MEST: variants seen among roughly 807,000 people sequenced by gnomAD.
MEST encodes the protein mesoderm specific transcript, also known as mesoderm-specific transcript homolog protein.
Under a neutral mutation model 50.9 loss-of-function variants are expected in MEST, and 18 were observed. That is an observed-to-expected ratio of 0.35 (90% CI 0.24 to 0.52). The LOEUF (loss-of-function observed/expected upper bound fraction) is 0.52. MEST is among the 20% of genes least tolerant of loss of function. The pLI is 0.94. For synonymous variants in MEST, 130 were observed against 154.1 expected, an observed-to-expected ratio of 0.84 and a Z score of 1.16; for missense variants, 282 against 425.3, an observed-to-expected ratio of 0.66 and a Z score of 2.96.
At position 130,495,778 on chromosome 7, in the gene MEST, G is replaced by GTTT. The variant is rs71178591; in HGVS notation, c.181+269_181+271dup. 1,848 of 189,388 alleles carry GTTT rather than the reference G, an allele frequency of 9.8e-3. 39 individuals carry two copies. Among genetic ancestry groups the GTTT allele is most frequent in the African/African-American group, 0.018 (698 of 39,750 alleles). 11.7% of individuals were successfully genotyped at this position (189,388 alleles called of 1,614,324 possible). ...TAGCTTGATATGTATTCCAATATTA[G>GTTT]TTTTTTTTTTTTTTTGAGCAACCTG... is the stretch of plus-strand genomic sequence containing the variant. On this transcript the variant is annotated intron_variant, in intron 2 of 11. Coordinates refer to ENST00000223215, the MANE Select transcript of MEST (RefSeq NM_002402.4).
rs1799115958 is a variant in MEST at position 130,497,667 on chromosome 7, A to T, written c.262-269A>T. 2 of 476,640 alleles carry T rather than the reference A, an allele frequency of 4.2e-6. No homozygotes were observed. Among genetic ancestry groups the T allele is most frequent in the Non-Finnish European group, 7.5e-6 (2 of 266,552 alleles). The allele number at this position is 476,640 out of a possible 1,614,324, so 29.5% of individuals were successfully genotyped here. A position where few individuals can be genotyped will look rare whatever the true frequency, so the allele number is the denominator to read the frequency against. On this transcript the variant is annotated intron_variant, in intron 3 of 11. Transcript: ENST00000223215. The surrounding 1 kb of genome is among the most constrained non-coding windows in gnomAD (Gnocchi z 4.0). ...CTTTTAAAAAAACATTAAATGTTGA[A>T]CTGTTCCTTATTTACTGAAGGGAAT... is the stretch of plus-strand genomic sequence containing the variant.
chr7:130,498,406 G>T lies in MEST; in HGVS notation c.477-13G>T. 1 of 1,613,930 alleles carries T rather than the reference G, an allele frequency of 6.2e-7. No individual in the cohort carries two copies. The highest frequency in any genetic ancestry group is 8.5e-7 in the Non-Finnish European group (1 of 1,179,990). The stretch of plus-strand genomic sequence containing the variant: ...TGCTCAGCTACATGTGTGTTTCCTC[G>T]TCTCCCTTCTAGGTACAAGCAGAAT... On this transcript the variant is annotated splice_polypyrimidine_tract_variant and intron_variant, in intron 5 of 11. Coordinates refer to ENST00000223215, the MANE Select transcript of MEST (RefSeq NM_002402.4).
rs1798871945 is a variant in MEST, at chr7:130,492,626, G to A, written c.26+287G>A. 1 of 343,814 alleles carries A rather than the reference G, an allele frequency of 2.9e-6. No individual in the cohort carries two copies. The highest frequency in any genetic ancestry group is 4.3e-5 in the East Asian group (1 of 23,094). 21.3% of individuals were successfully genotyped at this position (343,814 alleles called of 1,614,324 possible). A position where few individuals can be genotyped will look rare whatever the true frequency, so the allele number is the denominator to read the frequency against. On this transcript the variant is annotated intron_variant, in intron 1 of 11. Transcript: ENST00000223215. The surrounding 1 kb of genome is among the most constrained non-coding windows in gnomAD (Gnocchi z 7.6). ...CTGGACCCCAGCGTCATCTTGATAT[G>A]ACTTAGGATCCATAATGACCCTGGT...
At position 130,495,978 on chromosome 7, in the gene MEST, G is replaced by A. The variant is rs1799042896; in HGVS notation, c.181+456G>A. On this transcript the variant is annotated intron_variant, in intron 2 of 11. Transcript: ENST00000223215. ...GATTATTATGACCACTACTTATCAA[G>A]TAATTACCATATGCCAGGCACTGAG... is the stretch of plus-strand genomic sequence containing the variant. 3 of 399,176 alleles carry A rather than the reference G, an allele frequency of 7.5e-6. No individual in the cohort carries two copies. In the Admixed American group the frequency reaches 1.1e-4, roughly 15 times the overall value. 24.7% of individuals were successfully genotyped at this position (399,176 alleles called of 1,614,324 possible).
At chr7:130,502,512 A>G in intron 9 of MEST, 132 bp from the exon 10 acceptor site, 4 of 663,416 alleles carry the variant, frequency 6.0e-6, no homozygotes, top group Non-Finnish European at 2.6e-6. Context: ...TAAGTGGGAC[A>G]TTTCCAGGAA....
chr7:130,500,678 A>G lies in MEST; in HGVS notation c.648-111A>G. The G allele has an allele frequency of 8.4e-7, 1 of 1,189,312 alleles. No homozygotes were observed. The highest frequency in any genetic ancestry group is 1.2e-6 in the Non-Finnish European group (1 of 832,966). 73.7% of individuals were successfully genotyped at this position (1,189,312 alleles called of 1,614,324 possible). A position where few individuals can be genotyped will look rare whatever the true frequency, so the allele number is the denominator to read the frequency against. On this transcript the variant is annotated intron_variant, in intron 8 of 11. Transcript: ENST00000223215. The surrounding 1 kb of genome is among the most constrained non-coding windows in gnomAD (Gnocchi z 5.0). Reference sequence around the variant, plus strand: ...GGGAAGTAGAAGGAATTCATAAATCACTTATGGGTCAGACTGCATGGCCCA... The same window carrying G: ...GGGAAGTAGAAGGAATTCATAAATCGCTTATGGGTCAGACTGCATGGCCCA...
rs1584945383 is a variant in MEST at position 130,497,401 on chromosome 7, A to G, written c.261+166A>G. 8.8e-6 allele frequency: 4 copies of G among 454,316 alleles called. No homozygotes were observed. The East Asian group carries it at 1.6e-4, about 19-fold the overall frequency. 28.1% of individuals were successfully genotyped at this position (454,316 alleles called of 1,614,324 possible). ...GCAAAACCCCATCTCTACTAAAAGT[A>G]TAAAAATTGGCCAGGCATGGTGGCA... On this transcript the variant is annotated intron_variant, in intron 3 of 11. Transcript: ENST00000223215. This position sits in a 1 kb window ranked among gnomAD's most constrained non-coding sequence, Gnocchi z 4.0.
chr7:130,506,160 T>A lies in MEST; in HGVS notation c.*1104T>A, dbSNP rs1251838445. 8.5e-5 allele frequency: 13 copies of A among 152,616 alleles called. No homozygotes were observed. Among genetic ancestry groups the A allele is most frequent in the Non-Finnish European group, 4.4e-5 (3 of 68,044 alleles). 9.5% of individuals were successfully genotyped at this position (152,616 alleles called of 1,614,324 possible). The stretch of plus-strand genomic sequence containing the variant: ...ACTTTTTTTTTAAAGCCACATTTCA[T>A]TGTCTTAGTCAAAGCAGGATTATTA... On this transcript the variant is annotated 3_prime_UTR_variant, in exon 12 of 12. Coordinates refer to ENST00000223215, the MANE Select transcript of MEST (RefSeq NM_002402.4).
In MEST at chr7:130,500,958, T is replaced by C; in HGVS notation, c.749+68T>C. Reference sequence around the variant, plus strand: ...TGTGGAGAGTGGGGATTGCTTGTTCTGTTCCTTGCTGGCTTATTCCCTATC... The same window carrying C: ...TGTGGAGAGTGGGGATTGCTTGTTCCGTTCCTTGCTGGCTTATTCCCTATC... On this transcript the variant is annotated intron_variant, in intron 9 of 11. Transcript: ENST00000223215. The surrounding 1 kb of genome is among the most constrained non-coding windows in gnomAD (Gnocchi z 5.0). 2 of 1,354,100 alleles carry C rather than the reference T, an allele frequency of 1.5e-6. No individual in the cohort carries two copies. The highest frequency in any genetic ancestry group is 2.1e-6 in the Non-Finnish European group (2 of 966,474). 83.9% of individuals were successfully genotyped at this position (1,354,100 alleles called of 1,614,324 possible).
Position 130,492,407 on chromosome 7 carries a change from G to A in MEST, c.26+68G>A, listed in dbSNP as rs1798860552. ...GGGACTAGGGCGCAGGCGAGCGGAG[G>A]ACTGTGTGCCCGTGTCCGAGCTGGG... On this transcript the variant is annotated intron_variant, in intron 1 of 11. Transcript: ENST00000223215. The surrounding 1 kb of genome is among the most constrained non-coding windows in gnomAD (Gnocchi z 7.6). 2 of 1,212,052 alleles carry A rather than the reference G, an allele frequency of 1.7e-6. No homozygotes were observed. Among genetic ancestry groups the A allele is most frequent in the African/African-American group, 3.1e-5 (2 of 64,114 alleles). 75.1% of individuals were successfully genotyped at this position (1,212,052 alleles called of 1,614,324 possible). A position where few individuals can be genotyped will look rare whatever the true frequency, so the allele number is the denominator to read the frequency against.
chr7:130,491,458 A>G (rs1584936663), upstream of MEST: 1 of 152,332 alleles, frequency 6.6e-6, no homozygotes, highest in African/African-American at 2.4e-5. The surrounding 1 kb of genome is among the most constrained non-coding windows in gnomAD (Gnocchi z 6.8). Flanking sequence ...CATAGTGGCC[A>G]TCCCATGAAT....
At chr7:130,501,880 C>T (rs1799287663) in intron 9 of MEST, among the ~76,000 whole-genome samples, 1 of 151,772 alleles carries the variant, frequency 6.6e-6, no homozygotes, top group Non-Finnish European at 1.5e-5. Flanking sequence ...TCCAGCTACT[C>T]AGGAGGCTGA....
chr7:130,500,064 C>A lies in MEST; in HGVS notation c.576+149C>A. ...TATTAATGAAGTTACTTTTTCCCTTCTTAGGCAACTAAAGCAGAGGCAGTG... is the reference window on the plus strand; with the variant it reads ...TATTAATGAAGTTACTTTTTCCCTTATTAGGCAACTAAAGCAGAGGCAGTG... On this transcript the variant is annotated intron_variant, in intron 7 of 11. Coordinates refer to ENST00000223215, the MANE Select transcript of MEST (RefSeq NM_002402.4). This position sits in a 1 kb window ranked among gnomAD's most constrained non-coding sequence, Gnocchi z 5.0. The A allele has an allele frequency of 1.4e-6, 1 of 698,616 alleles. No individual in the cohort carries two copies. The highest frequency in any genetic ancestry group is 2.3e-6 in the Non-Finnish European group (1 of 428,852). The allele number at this position is 698,616 out of a possible 1,614,324, so 43.3% of individuals were successfully genotyped here.
At chr7:130,494,944 A>G in intron 1 of MEST, 2 of 563,418 alleles carry the variant, frequency 3.5e-6, no homozygotes, top group Non-Finnish European at 4.5e-6. Context: ...GGTAGATGGT[A>G]GAGCTTTTGG....
intron 2 of MEST, chr7:130,495,910 TAA>T (rs1430460282): frequency 6.3e-5 from 20 of 315,362 alleles, no homozygotes; most frequent in African/African-American, 3.0e-4. Flanking sequence ...AACTGTGATT[TAA>T]GTCTTGATAC....
chr7:130,495,908 T>C (rs1171657711), intron 2 of MEST: 1 of 316,522 alleles, frequency 3.2e-6, no homozygotes, highest in African/African-American at 2.3e-5. Flanking sequence ...GTAACTGTGA[T>C]TTAAGTCTTG....
chr7:130,494,974 A>AT (rs1488055425), intron 1 of MEST: 6 of 351,818 alleles, frequency 1.7e-5, no homozygotes, highest in Non-Finnish European at 2.4e-5. Context: ...GAAAGAAGTT[A>AT]TTTTTTTCCT....
chr7:130,498,823 G>A (rs782489826), intron 6 of MEST: 8 of 346,252 alleles, frequency 2.3e-5, no homozygotes, highest in Non-Finnish European at 4.3e-5. Flanking sequence ...AGTGAGGAGT[G>A]TAAAGACTGT....
At chr7:130,501,224 G>T (rs566542724) in intron 9 of MEST, among the ~76,000 whole-genome samples, 3 of 152,170 alleles carry the variant, frequency 2.0e-5, no homozygotes, top group African/African-American at 7.2e-5. Flanking sequence ...CTTGTACAAA[G>T]AATTCCCATG....
Sources: allele counts gnomAD v4.1 joint callset (sites outside exome capture counted in the v4.1 genomes callset), GRCh38; gene constraint gnomAD v4.1.1; non-coding constraint Gnocchi (gnomAD v3.1); transcripts MANE v1.5; gene names NCBI Gene and HGNC (gene_info 2026-07-23, HGNC 2026-07-21).